SCAPER: variants seen among roughly 807,000 people sequenced by gnomAD.
SCAPER encodes S phase cyclin A-associated protein in the endoplasmic reticulum.
A neutral mutation model predicts 182.2 loss-of-function variants in SCAPER; 98 were observed. The observed-to-expected ratio is 0.54, with a 90% CI of 0.46 to 0.64. The LOEUF is 0.64. SCAPER is among the 30% of genes least tolerant of loss of function. The probability of loss-of-function intolerance (pLI) is 0.00; values close to 1 mark genes in which losing one functional copy is unlikely to be tolerated. For synonymous variants in SCAPER, 605 were observed against 564.6 expected (o/e 1.07, Z -1.01); for missense variants, 1,432 against 1,690.0 (o/e 0.85, Z 2.68).
At chr15:76,809,371 T>A (rs2066422678) in intron 5 of SCAPER, among the ~76,000 whole-genome samples, 1 of 151,372 alleles carries the variant, frequency 6.6e-6, no homozygotes, top group South Asian at 2.1e-4. Context: ...TCAGAAGGAG[T>A]AATGCATAAA....
intron 2 of SCAPER, among the ~76,000 whole-genome samples, chr15:76,882,705 C>A (rs2073629638): frequency 6.6e-6 from 1 of 152,110 alleles, no homozygotes; most frequent in Non-Finnish European, 1.5e-5. Context: ...CGCTCTATAG[C>A]CCAGGTTGGA....
At chr15:76,743,958 A>G (rs2061674366) in intron 15 of SCAPER, among the ~76,000 whole-genome samples, 1 of 152,216 alleles carries the variant, frequency 6.6e-6, no homozygotes, top group Admixed American at 6.5e-5. Flanking sequence ...CCAATGGAAC[A>G]GAACAGAAAA....
At chr15:76,559,378 G>A (rs941707524) in intron 23 of SCAPER, among the ~76,000 whole-genome samples, 1 of 151,616 alleles carries the variant, frequency 6.6e-6, no homozygotes, top group Non-Finnish European at 1.5e-5. Flanking sequence ...TTTTATAAGG[G>A]GCTCTTTCCC....
At chr15:76,589,661 C>A (rs2093470236) in intron 22 of SCAPER, among the ~76,000 whole-genome samples, 1 of 152,164 alleles carries the variant, frequency 6.6e-6, no homozygotes, top group Non-Finnish European at 1.5e-5. Flanking sequence ...CCTGTTGAGT[C>A]TGCACACTGG....
intron 25 of SCAPER, among the ~76,000 whole-genome samples, chr15:76,464,672 C>T (rs2049459107): frequency 6.6e-6 from 1 of 152,076 alleles, no homozygotes; most frequent in South Asian, 2.1e-4. Flanking sequence ...TAGGTATTTC[C>T]ACCTCTTGGC....
chr15:76,895,916 T>C (rs1416910311), intron 1 of SCAPER, among the ~76,000 whole-genome samples: 2 of 151,860 alleles, frequency 1.3e-5, no homozygotes, highest in African/African-American at 4.8e-5. Flanking sequence ...GGCAGGCGAC[T>C]GTAGTCCCAG....
chr15:76,663,312 G>A (rs988822929), intron 21 of SCAPER, among the ~76,000 whole-genome samples: 1 of 152,114 alleles, frequency 6.6e-6, no homozygotes, highest in African/African-American at 2.4e-5. Flanking sequence ...GAAGGACCTG[G>A]AATTCTCACG....
At chr15:76,810,186 T>C (rs562744418) in intron 5 of SCAPER, among the ~76,000 whole-genome samples, 4 of 152,182 alleles carry the variant, frequency 2.6e-5, no homozygotes, top group Middle Eastern at 6.8e-3. Flanking sequence ...AAACAAAATA[T>C]ATAAAGAATA....
chr15:76,881,283 C>T (rs1401881571), intron 2 of SCAPER, among the ~76,000 whole-genome samples: 1 of 152,044 alleles, frequency 6.6e-6, no homozygotes, highest in African/African-American at 2.4e-5. Context: ...TTTAGTAGAG[C>T]CAGGGTTTCG....
At chr15:76,904,952 T>A (rs2074982618) in intron 1 of SCAPER, among the ~76,000 whole-genome samples, 1 of 151,850 alleles carries the variant, frequency 6.6e-6, no homozygotes, top group South Asian at 2.1e-4. Context: ...CCAAGTGAGG[T>A]GACGCGGCAG....
intron 17 of SCAPER, among the ~76,000 whole-genome samples, chr15:76,716,894 G>A (rs1463233253): frequency 3.3e-5 from 5 of 152,034 alleles, no homozygotes; most frequent in East Asian, 1.9e-4. Context: ...TTGGGACTTA[G>A]GAAGAGAGAG....
intron 9 of SCAPER, among the ~76,000 whole-genome samples, chr15:76,773,236 C>G (rs1245259839): frequency 6.6e-6 from 1 of 151,862 alleles, no homozygotes; most frequent in African/African-American, 2.4e-5. Context: ...CTAATTCCAT[C>G]TTTAGAATGA....
intron 3 of SCAPER, among the ~76,000 whole-genome samples, chr15:76,859,491 G>A (rs1335449006): frequency 6.6e-6 from 1 of 152,166 alleles, no homozygotes; most frequent in Admixed American, 6.6e-5. Flanking sequence ...ATACAAAGCA[G>A]AGAACTTTTT....
intron 21 of SCAPER, among the ~76,000 whole-genome samples, chr15:76,630,048 T>C (rs148511050): frequency 6.6e-6 from 1 of 152,332 alleles, no homozygotes; most frequent in East Asian, 1.9e-4. Context: ...TTTACTTGCA[T>C]AGAGGTATTT....
intron 4 of SCAPER, among the ~76,000 whole-genome samples, chr15:76,847,168 A>T (rs1473007489): frequency 1.3e-5 from 2 of 152,168 alleles, no homozygotes; most frequent in Non-Finnish European, 2.9e-5. Context: ...CAGAGAAAAT[A>T]GAATGATAGT....
chr15:76,622,150 T>C (rs2052134711), intron 21 of SCAPER, among the ~76,000 whole-genome samples: 1 of 152,224 alleles, frequency 6.6e-6, no homozygotes, highest in African/African-American at 2.4e-5. Flanking sequence ...TTTGAGATAC[T>C]TCTCTGCCCC....
At chr15:76,809,694 ATGATGGC>A (rs1186946279) in intron 5 of SCAPER, among the ~76,000 whole-genome samples, 1 of 152,214 alleles carries the variant, frequency 6.6e-6, no homozygotes, top group Non-Finnish European at 1.5e-5. Context: ...ATTCAAAGAA[ATGATGGC>A]TGAAAACTTC....
intron 23 of SCAPER, among the ~76,000 whole-genome samples, chr15:76,518,796 A>G (rs1279198128): frequency 1.3e-5 from 2 of 152,238 alleles, no homozygotes; most frequent in Non-Finnish European, 2.9e-5. Flanking sequence ...AGTGTTTAAC[A>G]TTGTTGAGCT....
At chr15:76,491,604 T>A (rs1181360037) in intron 24 of SCAPER, among the ~76,000 whole-genome samples, 1 of 152,132 alleles carries the variant, frequency 6.6e-6, no homozygotes, top group African/African-American at 2.4e-5. Flanking sequence ...CTGTGTATGC[T>A]CTCCAGCACT....
Sources: gnomAD v4.1 joint callset for allele counts (sites outside exome capture counted in the v4.1 genomes callset) on GRCh38, gnomAD v4.1.1 for gene constraint, MANE v1.5 for transcripts, NCBI Gene and HGNC (gene_info 2026-07-23, HGNC 2026-07-21) for gene names.